SH3RF3: variants seen among roughly 807,000 people sequenced by gnomAD.
SH3RF3 encodes the protein SH3 domain containing ring finger 3.
A neutral mutation model predicts 66.3 loss-of-function variants in SH3RF3; 29 were observed. The ratio of observed to expected loss-of-function variants is 0.44; its 90% CI spans 0.33 to 0.60. The LOEUF is 0.60. Among genes scored for constraint, SH3RF3 ranks in the 20% least tolerant of loss-of-function variants. The pLI is 0.04. For missense variants in SH3RF3, 1,194 were observed against 1,190.9 expected (o/e 1.00, Z -0.04); for synonymous variants, 583 against 532.0 (o/e 1.10, Z -1.32).
chr2:109,447,147 TAAAAAAAAAAAAAAAA>T (rs61240132), intron 7 of SH3RF3, among the ~76,000 whole-genome samples: 1 of 82,704 alleles, frequency 1.2e-5, no homozygotes, highest in African/African-American at 3.8e-5. Context: ...CCTGAATATT[TAAAAAAAAAAAAAAAA>T]AAAAAGAAAA....
intron 1 of SH3RF3, among the ~76,000 whole-genome samples, chr2:109,302,365 T>C (rs1681489672): frequency 6.6e-6 from 1 of 152,192 alleles, no homozygotes; most frequent in South Asian, 2.1e-4. Flanking sequence ...CAAGGTGAAA[T>C]GCTTGCTGCT....
chr2:109,253,913 T>G (rs769748768), intron 1 of SH3RF3, among the ~76,000 whole-genome samples: 3 of 152,134 alleles, frequency 2.0e-5, no homozygotes, highest in Non-Finnish European at 2.9e-5. Context: ...TCTAAAAGCA[T>G]GGAAGTCTTT....
intron 1 of SH3RF3, among the ~76,000 whole-genome samples, chr2:109,178,944 C>G (rs1208884699): frequency 6.6e-6 from 1 of 150,820 alleles, no homozygotes; most frequent in African/African-American, 2.4e-5. Flanking sequence ...TTCAAATTAA[C>G]TTTTCGTGTT....
chr2:109,150,419 C>T (rs1677201595), intron 1 of SH3RF3, among the ~76,000 whole-genome samples: 1 of 152,076 alleles, frequency 6.6e-6, no homozygotes, highest in East Asian at 1.9e-4. Flanking sequence ...TATTTATGAG[C>T]CTGGAACTAC....
At chr2:109,295,067 C>A (rs567374651) in intron 1 of SH3RF3, among the ~76,000 whole-genome samples, 1 of 152,260 alleles carries the variant, frequency 6.6e-6, no homozygotes, top group East Asian at 1.9e-4. Context: ...CCACTGTTGT[C>A]CATGTCACAG....
At chr2:109,493,171 C>T (rs990795284) in intron 9 of SH3RF3, among the ~76,000 whole-genome samples, 20 of 151,018 alleles carry the variant, frequency 1.3e-4, no homozygotes, top group Admixed American at 4.6e-4. Context: ...ACCACACATA[C>T]GCCATGCAAA....
chr2:109,490,580 G>A, intron 8 of SH3RF3, 25 bp from the exon 9 acceptor site: 1 of 1,409,572 alleles, frequency 7.1e-7, no homozygotes, highest in Non-Finnish European at 9.3e-7. Flanking sequence ...CACCTGTTTG[G>A]TTTCCATCTT....
rs965667815 is a variant in SH3RF3, at chr2:109,501,819, A to G, written c.*148A>G. On this transcript the variant is annotated 3_prime_UTR_variant, in exon 10 of 10. Transcript: ENST00000309415. ...GATACCCTGGCCCAGGGTGGGGGCC[A>G]GGGACTGTGGAGGTCGTGCCTTCTC... 4 of 605,466 alleles carry G rather than the reference A, an allele frequency of 6.6e-6. No homozygotes were observed. Among genetic ancestry groups the G allele is most frequent in the African/African-American group, 1.9e-5 (1 of 54,026 alleles). The allele number at this position is 605,466 out of a possible 1,614,324, so 37.5% of individuals were successfully genotyped here.
intron 1 of SH3RF3, among the ~76,000 whole-genome samples, chr2:109,298,107 G>A (rs1247327787): frequency 1.3e-5 from 2 of 152,178 alleles, no homozygotes; most frequent in Non-Finnish European, 2.9e-5. Flanking sequence ...GCTTCTCAGG[G>A]GGATGCAGAG....
intron 2 of SH3RF3, among the ~76,000 whole-genome samples, chr2:109,370,101 C>T (rs554150522): frequency 2.0e-4 from 30 of 152,238 alleles, no homozygotes; most frequent in African/African-American, 3.1e-4. Flanking sequence ...ACCTGACTGC[C>T]GAAGGAGGGA....
At chr2:109,469,215 A>C (rs1447537150) in intron 8 of SH3RF3, among the ~76,000 whole-genome samples, 2 of 152,234 alleles carry the variant, frequency 1.3e-5, no homozygotes, top group Admixed American at 6.5e-5. Flanking sequence ...ATTGTGCGCT[A>C]TCCCAGAATA....
chr2:109,307,849 G>A (rs1016092062), intron 1 of SH3RF3, among the ~76,000 whole-genome samples: 3 of 135,708 alleles, frequency 2.2e-5, no homozygotes, highest in African/African-American at 6.3e-5. Flanking sequence ...TTGGTTCCAA[G>A]TCTTTGCTAT....
At chr2:109,308,444 A>C (rs1461069958) in intron 1 of SH3RF3, among the ~76,000 whole-genome samples, 1 of 75,984 alleles carries the variant, frequency 1.3e-5, no homozygotes, top group Non-Finnish European at 2.3e-5. Context: ...CCCATTTGTC[A>C]ATTTTGGCTT....
intron 4 of SH3RF3, among the ~76,000 whole-genome samples, chr2:109,419,261 G>A (rs999418775): frequency 1.3e-5 from 2 of 152,106 alleles, no homozygotes; most frequent in Non-Finnish European, 2.9e-5. Flanking sequence ...TCTGGAACAC[G>A]GCCTGACTAC....
chr2:109,242,361 G>A (rs1017975612), intron 1 of SH3RF3, among the ~76,000 whole-genome samples: 3 of 152,164 alleles, frequency 2.0e-5, no homozygotes, highest in Non-Finnish European at 4.4e-5. Context: ...CTACACTGAG[G>A]ACCTTGTCTC....
Position 109,426,473 on chromosome 2 carries a change from C to A in SH3RF3, c.1404-6028C>A, listed in dbSNP as rs1677030838. ...AGATGTGGTAGAAACAGCAAGAGAACTAGAATTAGAAATTGAACCTGAAGA... is the reference window on the plus strand; with the variant it reads ...AGATGTGGTAGAAACAGCAAGAGAAATAGAATTAGAAATTGAACCTGAAGA... On this transcript the variant is annotated intron_variant, in intron 5 of 9. Transcript: ENST00000309415. Among the ~76,000 whole-genome samples, 3 of 152,170 alleles carry A rather than the reference C, an allele frequency of 2.0e-5. No individual in the cohort carries two copies. The South Asian group carries it at 6.2e-4, about 32-fold the overall frequency.
At chr2:109,437,664 T>G (rs1677442474) in intron 7 of SH3RF3, among the ~76,000 whole-genome samples, 1 of 151,544 alleles carries the variant, frequency 6.6e-6, no homozygotes, top group African/African-American at 2.4e-5. Context: ...TCTGAAGTGC[T>G]CTGAGGCAGG....
At chr2:109,137,883 C>T (rs991801402) in intron 1 of SH3RF3, among the ~76,000 whole-genome samples, 3 of 152,228 alleles carry the variant, frequency 2.0e-5, no homozygotes, top group African/African-American at 7.2e-5. Flanking sequence ...AGTGCTCACC[C>T]ATGTGGGTTG....
chr2:109,239,638 A>G (rs996553630), intron 1 of SH3RF3, among the ~76,000 whole-genome samples: 1 of 152,142 alleles, frequency 6.6e-6, no homozygotes, highest in Non-Finnish European at 1.5e-5. Flanking sequence ...CAGGGAGGAA[A>G]GAGAGGCCGA....
Sources: allele counts gnomAD v4.1 joint callset (sites outside exome capture counted in the v4.1 genomes callset), GRCh38; gene constraint gnomAD v4.1.1; transcripts MANE v1.5; gene names NCBI Gene and HGNC (gene_info 2026-07-23, HGNC 2026-07-21).